Variants in THSD7B observed in about 807,000 individuals in gnomAD.
THSD7B encodes the protein thrombospondin type-1 domain-containing protein 7B.
A neutral mutation model predicts 213.6 loss-of-function variants in THSD7B; 138 were observed. That is an observed-to-expected ratio of 0.65 (90% CI 0.56 to 0.74). The LOEUF is 0.74. THSD7B is among the 30% of genes least tolerant of loss of function. The probability of loss-of-function intolerance (pLI) is 0.00; values close to 1 mark genes in which losing one functional copy is unlikely to be tolerated. For synonymous variants in THSD7B, 742 were observed against 687.0 expected (o/e 1.08, Z -1.25); for missense variants, 1,931 against 1,991.5 (o/e 0.97, Z 0.58).
At chr2:137,489,378 C>T (rs1020942448) in intron 15 of THSD7B, among the ~76,000 whole-genome samples, 15 of 150,576 alleles carry the variant, frequency 1.0e-4, no homozygotes, top group African/African-American at 1.5e-4. Flanking sequence ...GAGCCAAGAT[C>T]GCACCATGGC....
Position 137,337,277 on chromosome 2 carries a change from G to C in THSD7B, c.2500+61251G>C, listed in dbSNP as rs949706427. Among the ~76,000 whole-genome samples, 7 of 151,944 alleles carry C rather than the reference G, an allele frequency of 4.6e-5. No individual in the cohort carries two copies. The East Asian group carries it at 1.2e-3, about 25-fold the overall frequency. On this transcript the variant is annotated intron_variant, in intron 12 of 27. Transcript: ENST00000409968. ...TGCATTTAGTTGTCATGCATTCTTA[G>C]TTTTCCCCAGTCTGGGACAGTTCTT...
At chr2:137,623,907 G>A (rs1682570740) in intron 20 of THSD7B, among the ~76,000 whole-genome samples, 1 of 152,156 alleles carries the variant, frequency 6.6e-6, no homozygotes. Context: ...TACTGCCCAA[G>A]GTAATTTATA....
At chr2:137,211,571 A>G (rs1460833391) in intron 7 of THSD7B, among the ~76,000 whole-genome samples, 1 of 152,220 alleles carries the variant, frequency 6.6e-6, no homozygotes, top group African/African-American at 2.4e-5. Flanking sequence ...TATAGAATTT[A>G]TAAATGATCT....
At chr2:136,803,400 G>A (rs1200853193) in intron 1 of THSD7B, among the ~76,000 whole-genome samples, 4 of 152,070 alleles carry the variant, frequency 2.6e-5, no homozygotes, top group African/African-American at 7.2e-5. Context: ...AGGAAAGAGG[G>A]AACATGTCAA....
chr2:137,006,618 T>C (rs1483925241), intron 2 of THSD7B, among the ~76,000 whole-genome samples: 1 of 152,052 alleles, frequency 6.6e-6, no homozygotes, highest in Non-Finnish European at 1.5e-5. Context: ...TGCCACCAAC[T>C]CCCCCAAATT....
intron 2 of THSD7B, among the ~76,000 whole-genome samples, chr2:136,917,063 A>G (rs1262058484): frequency 6.6e-6 from 1 of 152,244 alleles, no homozygotes; most frequent in Non-Finnish European, 1.5e-5. Context: ...AGTCTCATAG[A>G]GGAGCCTGCT....
At chr2:137,400,789 G>A (rs956095011) in intron 12 of THSD7B, among the ~76,000 whole-genome samples, 2 of 152,218 alleles carry the variant, frequency 1.3e-5, no homozygotes, top group Non-Finnish European at 2.9e-5. Context: ...GAAGTGCTCG[G>A]ATGTCTCACA....
At chr2:137,483,556 T>C (rs1688354867) in intron 15 of THSD7B, among the ~76,000 whole-genome samples, 1 of 152,242 alleles carries the variant, frequency 6.6e-6, no homozygotes, top group Admixed American at 6.5e-5. Context: ...ACCTACTTCA[T>C]TGAACTCTAT....
At chr2:136,970,335 G>A (rs1183151361) in intron 2 of THSD7B, among the ~76,000 whole-genome samples, 1 of 151,960 alleles carries the variant, frequency 6.6e-6, no homozygotes, top group Admixed American at 6.6e-5. Context: ...CTGGTGGCAC[G>A]AGCCTGTGGT....
At chr2:137,493,333 G>A (rs904646750) in intron 15 of THSD7B, among the ~76,000 whole-genome samples, 6 of 152,034 alleles carry the variant, frequency 3.9e-5, no homozygotes, top group Non-Finnish European at 5.9e-5. Context: ...TTTGTAGAGT[G>A]GGTTTTATTA....
At chr2:137,223,650 A>T (rs1573896388) in intron 7 of THSD7B, among the ~76,000 whole-genome samples, 2 of 152,178 alleles carry the variant, frequency 1.3e-5, no homozygotes, top group East Asian at 3.9e-4. Context: ...CAAACTCTTT[A>T]CACAAATATA....
At chr2:136,863,400 T>G (rs1318357074) in intron 1 of THSD7B, among the ~76,000 whole-genome samples, 1 of 152,152 alleles carries the variant, frequency 6.6e-6, no homozygotes, top group Non-Finnish European at 1.5e-5. Context: ...GATACTGAGA[T>G]GTAATATCAT....
rs1276813186 is a variant in THSD7B, at chr2:137,242,575, A to T, written c.2266+3A>T. On this transcript the variant is annotated splice_donor_region_variant and intron_variant, in intron 10 of 27. Coordinates refer to ENST00000409968, the MANE Select transcript of THSD7B (RefSeq NM_001316349.2). ...CTGCCCAAGGATGTGCCAAGCAGGT[A>T]GGTGGATGCTGCGTTCTTAGTTCTT... 4.4e-6 allele frequency: 7 copies of T among 1,604,958 alleles called. No individual in the cohort carries two copies. Among genetic ancestry groups the T allele is most frequent in the African/African-American group, 4.0e-5 (3 of 74,676 alleles).
At chr2:137,127,791 A>T (rs1251138888) in intron 5 of THSD7B, among the ~76,000 whole-genome samples, 2 of 152,008 alleles carry the variant, frequency 1.3e-5, no homozygotes, top group African/African-American at 4.8e-5. Flanking sequence ...GGTGGTGCAC[A>T]CCTGTAATCC....
chr2:137,086,575 C>G (rs953751187), intron 3 of THSD7B, among the ~76,000 whole-genome samples: 20 of 152,166 alleles, frequency 1.3e-4, no homozygotes, highest in Non-Finnish European at 1.3e-4. Flanking sequence ...ACTTAATCAC[C>G]TCTACAAAGT....
chr2:137,386,196 C>G (rs1685889436), intron 12 of THSD7B, among the ~76,000 whole-genome samples: 1 of 152,208 alleles, frequency 6.6e-6, no homozygotes, highest in Non-Finnish European at 1.5e-5. Context: ...TGCATCATTC[C>G]TTCCAGAAAG....
chr2:136,959,599 T>C (rs1468256907), intron 2 of THSD7B, among the ~76,000 whole-genome samples: 1 of 152,248 alleles, frequency 6.6e-6, no homozygotes, highest in Non-Finnish European at 1.5e-5. Flanking sequence ...AATTTCCTTG[T>C]TGATTTTTTA....
At chr2:137,573,967 T>A (rs988478943) in intron 17 of THSD7B, among the ~76,000 whole-genome samples, 16 of 152,158 alleles carry the variant, frequency 1.1e-4, no homozygotes, top group Admixed American at 6.6e-5. Context: ...TTTAGTTATC[T>A]GTGTGATTAT....
chr2:137,242,664 T>A, intron 10 of THSD7B, 92 bp downstream of exon 10: 1 of 297,792 alleles, frequency 3.4e-6, no homozygotes, highest in Non-Finnish European at 5.7e-6. Context: ...TGTGAGCACC[T>A]TTTTTTTTTT....
Sources: allele counts gnomAD v4.1 joint callset (sites outside exome capture counted in the v4.1 genomes callset), GRCh38; gene constraint gnomAD v4.1.1; transcripts MANE v1.5; gene names NCBI Gene and HGNC (gene_info 2026-07-23, HGNC 2026-07-21).